The following BABAM2 variants were observed in gnomAD, a reference collection of about 807,000 sequenced individuals.
BABAM2 encodes the protein BRISC and BRCA1 A complex member 2.
Under a neutral mutation model 54.7 loss-of-function variants are expected in BABAM2, and 31 were observed. The ratio of observed to expected loss-of-function variants is 0.57; its 90% CI spans 0.43 to 0.77. The LOEUF (loss-of-function observed/expected upper bound fraction) is 0.77. Ranked by LOEUF, BABAM2 falls within the 30% of genes least tolerant of loss-of-function variation. The pLI is 0.00. For synonymous variants in BABAM2, 167 were observed against 162.9 expected, an observed-to-expected ratio of 1.03 and a Z score of -0.19; for missense variants, 364 against 455.8, an observed-to-expected ratio of 0.80 and a Z score of 1.83.
At chr2:28,174,152 A>G (rs1462232418) in intron 7 of BABAM2, among the ~76,000 whole-genome samples, 2 of 152,104 alleles carry the variant, frequency 1.3e-5, no homozygotes, top group Non-Finnish European at 2.9e-5. Flanking sequence ...AATAGTTTTA[A>G]TTTTCCTCTT....
chr2:28,222,128 G>A (rs1049906419), intron 7 of BABAM2, among the ~76,000 whole-genome samples: 1 of 152,112 alleles, frequency 6.6e-6, no homozygotes, highest in African/African-American at 2.4e-5. Flanking sequence ...AGCACTTGCC[G>A]GATGGCCCAG....
chr2:28,002,565 G>A (rs187485206), intron 4 of BABAM2, among the ~76,000 whole-genome samples: 91 of 151,964 alleles, frequency 6.0e-4, no homozygotes, highest in East Asian at 1.9e-3. Context: ...TCAGATTCAG[G>A]TAGTCCACTT....
At chr2:27,914,404 C>G (rs149651723) in intron 2 of BABAM2, among the ~76,000 whole-genome samples, 1 of 152,308 alleles carries the variant, frequency 6.6e-6, no homozygotes, top group Non-Finnish European at 1.5e-5. Flanking sequence ...TGTAGGCTAA[C>G]ATGTAGCCTT....
At chr2:28,192,116 G>A (rs1676977790) in intron 7 of BABAM2, among the ~76,000 whole-genome samples, 1 of 152,000 alleles carries the variant, frequency 6.6e-6, no homozygotes, top group South Asian at 2.1e-4. Context: ...CTCTCTGCAA[G>A]CTCCGCCTCC....
intron 5 of BABAM2, among the ~76,000 whole-genome samples, chr2:28,034,120 T>G (rs1404120709): frequency 6.6e-6 from 1 of 152,316 alleles, no homozygotes; most frequent in South Asian, 2.1e-4. Flanking sequence ...TAAGCTTCCC[T>G]CATGTCATCG....
chr2:28,233,100 A>G (rs1425123465), intron 7 of BABAM2: 1 of 387,846 alleles, frequency 2.6e-6, no homozygotes, highest in Admixed American at 3.5e-5. Context: ...GAGAGAAGGT[A>G]CCTTCTCATC....
At chr2:27,905,954 A>G (rs983569921) in intron 2 of BABAM2, among the ~76,000 whole-genome samples, 1 of 152,260 alleles carries the variant, frequency 6.6e-6, no homozygotes, top group East Asian at 1.9e-4. Context: ...CAGCTGTTTT[A>G]GCAGATAGAA....
chr2:28,311,569 T>C (rs1689093044), intron 11 of BABAM2, among the ~76,000 whole-genome samples: 1 of 152,168 alleles, frequency 6.6e-6, no homozygotes, highest in Admixed American at 6.5e-5. Flanking sequence ...CAAAGGATAG[T>C]GGCCTGGGAG....
At chr2:28,071,506 T>C (rs952336086) in intron 6 of BABAM2, among the ~76,000 whole-genome samples, 2 of 152,214 alleles carry the variant, frequency 1.3e-5, no homozygotes. Flanking sequence ...AAGGCACATA[T>C]TGCGTGATTG....
rs528049641 is a variant in BABAM2, at chr2:28,167,224, T to C, written c.680+37844T>C. 3.9e-5 allele frequency among the ~76,000 whole-genome samples: 6 copies of C among 152,312 alleles called. No homozygotes were observed. The East Asian group carries it at 1.2e-3, about 29-fold the overall frequency. On this transcript the variant is annotated intron_variant, in intron 7 of 11. Transcript: ENST00000379624. ...CTTGCACCGTCACTAGTTATATAGA[T>C]AGGTACTGAAGTTTGCCTTTGTCTT...
chr2:28,151,396 C>T (rs1672020848), intron 7 of BABAM2, among the ~76,000 whole-genome samples: 1 of 151,990 alleles, frequency 6.6e-6, no homozygotes, highest in Non-Finnish European at 1.5e-5. Context: ...AACATGCAAC[C>T]CCATCTCTAC....
At chr2:27,891,318 C>T (rs978279627) in intron 1 of BABAM2, among the ~76,000 whole-genome samples, 2 of 152,170 alleles carry the variant, frequency 1.3e-5, no homozygotes, top group African/African-American at 4.8e-5. Context: ...GTCAGCAGGG[C>T]ACATGTTTCC....
At chr2:27,969,533 G>C (rs1242000547) in intron 3 of BABAM2, among the ~76,000 whole-genome samples, 1 of 152,146 alleles carries the variant, frequency 6.6e-6, no homozygotes, top group Non-Finnish European at 1.5e-5. Flanking sequence ...CATTCTTAGT[G>C]TCATTCACTT....
chr2:28,096,803 T>C (rs1186004601), intron 6 of BABAM2, among the ~76,000 whole-genome samples: 1 of 150,298 alleles, frequency 6.7e-6, no homozygotes, highest in Non-Finnish European at 1.5e-5. Context: ...GCTGAGAACA[T>C]CTTGCACTAA....
Position 28,298,232 on chromosome 2 carries a change from G to A in BABAM2, c.935-106G>A, listed in dbSNP as rs548705727. The stretch of plus-strand genomic sequence containing the variant: ...TTCATCCAAACTGCAAGCAGTATTT[G>A]TGGTTCAAATAGAGTTTCGTACCTA... On this transcript the variant is annotated intron_variant, in intron 10 of 11. Transcript: ENST00000379624. 6 of 1,181,130 alleles carry A rather than the reference G, an allele frequency of 5.1e-6. No individual in the cohort carries two copies. In the African/African-American group the frequency reaches 9.2e-5, roughly 18 times the overall value. The allele number at this position is 1,181,130 out of a possible 1,614,324, so 73.2% of individuals were successfully genotyped here. A position where few individuals can be genotyped will look rare whatever the true frequency, so the allele number is the denominator to read the frequency against.
intron 7 of BABAM2, among the ~76,000 whole-genome samples, chr2:28,232,890 C>A (rs1416390342): frequency 6.6e-6 from 1 of 152,164 alleles, no homozygotes; most frequent in Non-Finnish European, 1.5e-5. Flanking sequence ...TCAGTATAGA[C>A]AGTTCTTACA....
chr2:27,900,680 A>G (rs1665711646), intron 2 of BABAM2, among the ~76,000 whole-genome samples: 1 of 152,148 alleles, frequency 6.6e-6, no homozygotes. Flanking sequence ...TTGGCCTGAT[A>G]GTGTATTGCT....
At chr2:28,332,563 C>G (rs1431405978) in intron 11 of BABAM2, among the ~76,000 whole-genome samples, 1 of 152,220 alleles carries the variant, frequency 6.6e-6, no homozygotes, top group East Asian at 1.9e-4. Context: ...ACTTCCCCCA[C>G]TGCCTCCCCT....
chr2:28,238,118 G>A (rs6753724), intron 8 of BABAM2, among the ~76,000 whole-genome samples: 124,029 of 152,080 alleles, frequency 0.82, 52,041 homozygotes, highest in East Asian at 1. Flanking sequence ...CCAAAGTGCT[G>A]GGATTACAGG....
Sources: gnomAD v4.1 joint callset for allele counts (sites outside exome capture counted in the v4.1 genomes callset) on GRCh38, gnomAD v4.1.1 for gene constraint, MANE v1.5 for transcripts, NCBI Gene and HGNC (gene_info 2026-07-23, HGNC 2026-07-21) for gene names.